CACNA1C: variants seen among roughly 807,000 people sequenced by gnomAD.
CACNA1C encodes voltage-dependent L-type calcium channel subunit alpha-1C.
Under a neutral mutation model 229.0 loss-of-function variants are expected in CACNA1C, and 30 were observed. That is an observed-to-expected ratio of 0.13 (90% CI 0.10 to 0.18). CACNA1C has a LOEUF of 0.18. Ranked by LOEUF, CACNA1C falls within the 10% of genes least tolerant of loss-of-function variation. The pLI is 1.00. For synonymous variants in CACNA1C, 1,114 were observed against 1,132.5 expected (o/e 0.98, Z 0.33); for missense variants, 1,658 against 2,845.0 (o/e 0.58, Z 9.49).
intron 3 of CACNA1C, among the ~76,000 whole-genome samples, chr12:2,395,294 T>C (rs111780622): frequency 0.014 from 2,142 of 150,904 alleles, 54 homozygotes; most frequent in African/African-American, 0.047. Context: ...TCTCAGCTCA[T>C]TGCAACCTCC....
intron 9 of CACNA1C, among the ~76,000 whole-genome samples, chr12:2,531,678 T>G (rs776499070): frequency 6.6e-6 from 1 of 152,094 alleles, no homozygotes; most frequent in Admixed American, 6.5e-5. Flanking sequence ...CTGGACAGCT[T>G]CTCTGCCAGC....
In CACNA1C at chr12:2,597,130, G is replaced by A; in HGVS notation, c.2794-100G>A. 1.3e-6 allele frequency: 1 copy of A among 762,802 alleles called. No homozygotes were observed. The highest frequency in any genetic ancestry group is 1.6e-5 in the South Asian group (1 of 61,614). 47.3% of individuals were successfully genotyped at this position (762,802 alleles called of 1,614,324 possible). ...TAAGTGCCAGGCATCTCATTTTGAAGTGTGGCCCCTTTTCTGGTGAACATC... is the reference window on the plus strand; with the variant it reads ...TAAGTGCCAGGCATCTCATTTTGAAATGTGGCCCCTTTTCTGGTGAACATC... On this transcript the variant is annotated intron_variant, in intron 20 of 46. Coordinates refer to ENST00000399655, the MANE Select transcript of CACNA1C (RefSeq NM_000719.7). The surrounding 1 kb of genome is among the most constrained non-coding windows in gnomAD (Gnocchi z 4.3).
rs1002757811 is a variant in CACNA1C at position 2,319,261 on chromosome 12, C to T, written c.478-129715C>T. Among the ~76,000 whole-genome samples the T allele has an allele frequency of 2.0e-5, 3 of 151,890 alleles. No homozygotes were observed. The highest frequency in any genetic ancestry group is 4.4e-5 in the Non-Finnish European group (3 of 67,950). ...ACATGATGTGTAGTGTACATGGGGGCGGCGTGCATGGTGGGTGGCCTGTGG... is the reference window on the plus strand; with the variant it reads ...ACATGATGTGTAGTGTACATGGGGGTGGCGTGCATGGTGGGTGGCCTGTGG... On this transcript the variant is annotated intron_variant, in intron 3 of 46. Coordinates refer to ENST00000399655, the MANE Select transcript of CACNA1C (RefSeq NM_000719.7). This position sits in a 1 kb window ranked among gnomAD's most constrained non-coding sequence, Gnocchi z 4.0.
chr12:2,411,765 C>T (rs187526029), intron 3 of CACNA1C, among the ~76,000 whole-genome samples: 1 of 152,350 alleles, frequency 6.6e-6, no homozygotes, highest in Admixed American at 6.5e-5. Flanking sequence ...TGTCTGTCCA[C>T]CCTGAGGCTC....
intron 1 of CACNA1C, among the ~76,000 whole-genome samples, chr12:1,979,470 C>T (rs1158571913): frequency 1.3e-5 from 2 of 151,758 alleles, no homozygotes; most frequent in African/African-American, 2.4e-5. Flanking sequence ...TGCCACCATG[C>T]CTGGCTAATT....
intron 4 of CACNA1C, among the ~76,000 whole-genome samples, chr12:2,450,354 A>C (rs1235920659): frequency 1.3e-5 from 2 of 151,854 alleles, no homozygotes; most frequent in Non-Finnish European, 2.9e-5. Flanking sequence ...GGAGATCGAG[A>C]CCATCCTGGC....
At position 2,581,452 on chromosome 12, in the gene CACNA1C, C is replaced by T. The variant is rs540025775; in HGVS notation, c.1896-138C>T. 78 of 717,752 alleles carry T rather than the reference C, an allele frequency of 1.1e-4. 1 individual carries two copies. In the Middle Eastern group the frequency reaches 2.4e-3, roughly 22 times the overall value. The allele number at this position is 717,752 out of a possible 1,614,324, so 44.5% of individuals were successfully genotyped here. On this transcript the variant is annotated intron_variant, in intron 13 of 46. Transcript: ENST00000399655. Reference sequence around the variant, plus strand: ...GTGGCAACTCACACCACCACCAACACGCATCCCCCACGGGCAGGGAAAAAG... The same window carrying T: ...GTGGCAACTCACACCACCACCAACATGCATCCCCCACGGGCAGGGAAAAAG...
intron 3 of CACNA1C, among the ~76,000 whole-genome samples, chr12:2,380,165 G>A (rs2098201168): frequency 6.6e-6 from 1 of 152,120 alleles, no homozygotes; most frequent in Non-Finnish European, 1.5e-5. Flanking sequence ...GGTGTCCCTT[G>A]TATCCTTTTC....
chr12:2,360,183 A>C (rs1331669173), intron 3 of CACNA1C, among the ~76,000 whole-genome samples: 945 of 27,824 alleles, frequency 0.034, 10 homozygotes, highest in African/African-American at 0.091. Context: ...CACCCCACAC[A>C]CACACACACA....
intron 3 of CACNA1C, among the ~76,000 whole-genome samples, chr12:2,380,600 T>TC (rs2098215427): frequency 6.6e-6 from 1 of 152,126 alleles, no homozygotes; most frequent in South Asian, 2.1e-4. Context: ...TTCCCAGTGT[T>TC]CCCCCATCCC....
intron 3 of CACNA1C, among the ~76,000 whole-genome samples, chr12:2,399,646 C>T (rs781573222): frequency 1.3e-5 from 2 of 152,208 alleles, no homozygotes; most frequent in African/African-American, 2.4e-5. Flanking sequence ...CCTCTGCCAG[C>T]GGAGCTTGGG....
rs375453764 is a variant in CACNA1C at position 2,602,328 on chromosome 12, CCTG to C, written c.2960+369_2960+371del. Among the ~76,000 whole-genome samples, 41 of 152,300 alleles carry C rather than the reference CCTG, an allele frequency of 2.7e-4. No individual in the cohort carries two copies. In the East Asian group the frequency reaches 6.4e-3, roughly 24 times the overall value. ...CTGCCACTGCCGTGACCTCCCCTGA[CCTG>C]GACCCTCCTTCTCCCTTTCTCTCCC... On this transcript the variant is annotated intron_variant, in intron 22 of 46. Coordinates refer to ENST00000399655, the MANE Select transcript of CACNA1C (RefSeq NM_000719.7). This position sits in a 1 kb window ranked among gnomAD's most constrained non-coding sequence, Gnocchi z 4.4.
rs1371759896 is a variant in CACNA1C at position 2,240,115 on chromosome 12, AT to A, written c.477+119687del. ...TGTTGCTGCTGAAGAATCAATGCTA[AT>A]TGGATCATTAGGGCATTATTACATG... On this transcript the variant is annotated intron_variant, in intron 3 of 46. Transcript: ENST00000399655. Among the ~76,000 whole-genome samples the A allele has an allele frequency of 7.9e-5, 12 of 152,354 alleles. No homozygotes were observed. The East Asian group carries it at 2.3e-3, about 29-fold the overall frequency.
At chr12:2,506,194 G>A (rs2099771486) in intron 8 of CACNA1C, among the ~76,000 whole-genome samples, 3 of 152,192 alleles carry the variant, frequency 2.0e-5, no homozygotes, top group South Asian at 4.1e-4. Flanking sequence ...TTCCATCAGG[G>A]ATAACAGTGA....
In CACNA1C at chr12:2,287,096, C is replaced by A. The variant is rs2092791639; in HGVS notation, c.478-161880C>A. The stretch of plus-strand genomic sequence containing the variant: ...GGTGGGAGGTCCCACAGGGGCCTGC[C>A]CCCAGTTGACAGAGGGCTCTTTACC... On this transcript the variant is annotated intron_variant, in intron 3 of 46. Transcript: ENST00000399655. This position sits in a 1 kb window ranked among gnomAD's most constrained non-coding sequence, Gnocchi z 4.6. 1.3e-5 allele frequency among the ~76,000 whole-genome samples: 2 copies of A among 152,220 alleles called. No individual in the cohort carries two copies. The highest frequency in any genetic ancestry group is 4.1e-4 in the South Asian group (2 of 4,830).
rs2097303304 is a variant in CACNA1C at position 2,354,641 on chromosome 12, C to T, written c.478-94335C>T. 1.3e-5 allele frequency among the ~76,000 whole-genome samples: 2 copies of T among 152,194 alleles called. No individual in the cohort carries two copies. On this transcript the variant is annotated intron_variant, in intron 3 of 46. Coordinates refer to ENST00000399655, the MANE Select transcript of CACNA1C (RefSeq NM_000719.7). This position sits in a 1 kb window ranked among gnomAD's most constrained non-coding sequence, Gnocchi z 4.6. The stretch of plus-strand genomic sequence containing the variant: ...CCAGGAACGGAGTCCATCCTTTCTC[C>T]TGGCCTCCAGGGAGAGCCCAGACAC...
At chr12:2,540,548 C>T (rs1191029033) in intron 9 of CACNA1C, among the ~76,000 whole-genome samples, 1 of 152,146 alleles carries the variant, frequency 6.6e-6, no homozygotes, top group East Asian at 1.9e-4. Flanking sequence ...ACCGAAACTC[C>T]TCCCCTCCAC....
rs569831855 is a variant in CACNA1C at position 2,188,581 on chromosome 12, C to T, written c.477+68151C>T. 3.3e-5 allele frequency among the ~76,000 whole-genome samples: 5 copies of T among 152,130 alleles called. No homozygotes were observed. The South Asian group carries it at 1.0e-3, about 32-fold the overall frequency. On this transcript the variant is annotated intron_variant, in intron 3 of 46. Transcript: ENST00000399655. ...TAAAATCTCTTCTGTCTCTCCCCAT[C>T]CCCAGAGAGAGAGAAAAAATAAAAA...
intron 3 of CACNA1C, among the ~76,000 whole-genome samples, chr12:2,254,530 G>C (rs767660479): frequency 6.6e-6 from 1 of 152,140 alleles, no homozygotes; most frequent in Non-Finnish European, 1.5e-5. Flanking sequence ...CTTTTGTATC[G>C]TGCTGCGGCA....
Sources: allele counts gnomAD v4.1 joint callset (sites outside exome capture counted in the v4.1 genomes callset), GRCh38; gene constraint gnomAD v4.1.1; non-coding constraint Gnocchi (gnomAD v3.1); transcripts MANE v1.5; gene names NCBI Gene and HGNC (gene_info 2026-07-23, HGNC 2026-07-21).